The following ASB15 variants were observed in gnomAD, a reference collection of about 807,000 sequenced individuals.
ASB15 encodes ankyrin repeat and SOCS box protein 15.
ASB15 carries 54 observed loss-of-function variants against 58.0 expected under a neutral mutation model. The ratio of observed to expected loss-of-function variants is 0.93; its 90% CI spans 0.75 to 1.17. The LOEUF (loss-of-function observed/expected upper bound fraction) is 1.17. ASB15 is among the 50% of genes most tolerant of loss of function. The pLI is 0.00. For synonymous variants in ASB15, 249 were observed against 262.4 expected, an observed-to-expected ratio of 0.95 and a Z score of 0.50; for missense variants, 680 against 707.4, an observed-to-expected ratio of 0.96 and a Z score of 0.44.
chr7:123,625,177 C>G (rs548261415), intron 8 of ASB15, among the ~76,000 whole-genome samples: 1 of 152,258 alleles, frequency 6.6e-6, no homozygotes, highest in African/African-American at 2.4e-5. Flanking sequence ...ATTGAAAGAT[C>G]GTATTTATCT....
chr7:123,573,092 G>A (rs1156299250), intron 1 of ASB15, among the ~76,000 whole-genome samples: 3 of 151,932 alleles, frequency 2.0e-5, no homozygotes, highest in African/African-American at 7.3e-5. Flanking sequence ...TGCTCTAAAA[G>A]TACTCCCTGA....
intron 1 of ASB15, among the ~76,000 whole-genome samples, chr7:123,567,314 G>C (rs750181376): frequency 3.9e-5 from 6 of 152,146 alleles, no homozygotes; most frequent in Admixed American, 3.3e-4. Context: ...AGGAGTAAAT[G>C]TTCTTATCCT....
At chr7:123,618,520 A>G (rs1401389686) in intron 7 of ASB15, among the ~76,000 whole-genome samples, 3 of 152,184 alleles carry the variant, frequency 2.0e-5, no homozygotes, top group Admixed American at 2.0e-4. Context: ...ATTGTGAGGA[A>G]AATTAGAGAA....
chr7:123,611,418 C>T (rs945612606), intron 3 of ASB15, among the ~76,000 whole-genome samples: 2 of 152,128 alleles, frequency 1.3e-5, no homozygotes, highest in African/African-American at 4.8e-5. Flanking sequence ...CCTCAGTCTC[C>T]CGAGTAGCTG....
rs1414294967 is a variant in ASB15, at chr7:123,620,503, CATACATATATATATATATATATATATAT to C, written c.451+2770_451+2797del. Reference sequence around the variant, plus strand: ...CACCACTAGTAATGTGACACATATACATACATATATATATATATATATATATATATATATATATATATATATATATATT... The same window carrying C: ...CACCACTAGTAATGTGACACATATACATATATATATATATATATATATATT... On this transcript the variant is annotated intron_variant, in intron 7 of 11. Transcript: ENST00000451215. Among the ~76,000 whole-genome samples, 157 of 53,058 alleles carry C rather than the reference CATACATATATATATATATATATATATAT, an allele frequency of 3.0e-3. 1 individual carries two copies. Among genetic ancestry groups the C allele is most frequent in the Admixed American group, 7.4e-3 (23 of 3,098 alleles). The allele number at this position is 53,058 out of a possible 152,430, so 34.8% of individuals were successfully genotyped here. A position where few individuals can be genotyped will look rare whatever the true frequency, so the allele number is the denominator to read the frequency against.
intron 2 of ASB15, among the ~76,000 whole-genome samples, chr7:123,608,160 T>G (rs1381791229): frequency 6.6e-6 from 1 of 152,026 alleles, no homozygotes; most frequent in Non-Finnish European, 1.5e-5. Flanking sequence ...TTTTTACTTT[T>G]GTAATATGAA....
intron 2 of ASB15, among the ~76,000 whole-genome samples, chr7:123,606,468 CTT>C (rs1445196280): frequency 2.6e-5 from 4 of 152,136 alleles, no homozygotes; most frequent in Non-Finnish European, 4.4e-5. Context: ...GTTCACTTTT[CTT>C]GTTGTTACTG....
chr7:123,597,574 G>A (rs1048879074), upstream of ASB15, among the ~76,000 whole-genome samples: 1 of 152,168 alleles, frequency 6.6e-6, no homozygotes, highest in African/African-American at 2.4e-5. Flanking sequence ...GCTCACGCCT[G>A]TAATCCCAGC....
At chr7:123,587,596 G>A (rs1258367925) in intron 1 of ASB15, among the ~76,000 whole-genome samples, 2 of 151,574 alleles carry the variant, frequency 1.3e-5, no homozygotes, top group East Asian at 1.9e-4. Context: ...TAGAAGTGAC[G>A]AGAGAAGGCT....
intron 3 of ASB15, among the ~76,000 whole-genome samples, chr7:123,610,732 T>A (rs979444227): frequency 2.6e-5 from 4 of 152,226 alleles, no homozygotes; most frequent in Non-Finnish European, 5.9e-5. Context: ...AGGCTGATTG[T>A]ACAATATGAT....
intron 2 of ASB15, among the ~76,000 whole-genome samples, chr7:123,605,158 G>T (rs988473998): frequency 2.6e-5 from 4 of 152,148 alleles, no homozygotes; most frequent in African/African-American, 9.7e-5. Flanking sequence ...TGCCAGGAAT[G>T]AATATTTTTG....
rs763292195 is a variant in ASB15, at chr7:123,627,112, G to C, written c.700G>C (p.Gly234Arg). The C allele has an allele frequency of 6.2e-7, 1 of 1,612,684 alleles. No individual in the cohort carries two copies. Among genetic ancestry groups the C allele is most frequent in the East Asian group, 2.2e-5 (1 of 44,852 alleles). Residue 234 changes from glycine (G) to arginine (R), a missense_variant and splice_region_variant, in exon 9 of 12, where the codon GGT becomes CGT. Gly to Arg is a moderately radical substitution (Grantham distance 125, BLOSUM62 -2). Transcript: ENST00000451215. ...TATGCCACGTTTTATACTGCCAGGT[G>C]GTGATGTGCTTGCTTTGGCGGATGA... is the stretch of plus-strand genomic sequence containing the variant. Reference protein sequence around the residue: ...DVLEHLIHKGGDVLALADDGA... With the variant: ...DVLEHLIHKGRDVLALADDGA...
At chr7:123,568,635 A>G (rs1203336560) in intron 1 of ASB15, among the ~76,000 whole-genome samples, 3 of 152,164 alleles carry the variant, frequency 2.0e-5, no homozygotes, top group Non-Finnish European at 4.4e-5. Context: ...CTGTATGGGA[A>G]ATGTTGCTCC....
intron 7 of ASB15, among the ~76,000 whole-genome samples, chr7:123,620,547 T>C (rs1288919958): frequency 6.4e-4 from 16 of 25,040 alleles, no homozygotes; most frequent in East Asian, 2.9e-3. Flanking sequence ...TATATATATA[T>C]ATATATATTT....
chr7:123,623,289 T>G (rs1801456116), intron 7 of ASB15: 1 of 152,178 alleles, frequency 6.6e-6, no homozygotes, highest in Non-Finnish European at 1.5e-5. Flanking sequence ...GGGGCAGCAC[T>G]CATCCTAATC....
intron 9 of ASB15, among the ~76,000 whole-genome samples, chr7:123,628,232 G>A (rs938470919): frequency 6.6e-6 from 1 of 152,320 alleles, no homozygotes; most frequent in African/African-American, 2.4e-5. Context: ...AAGTTATATG[G>A]AAGCAGACAG....
chr7:123,605,907 C>A (rs1037690103), intron 2 of ASB15, among the ~76,000 whole-genome samples: 1 of 152,092 alleles, frequency 6.6e-6, no homozygotes, highest in Non-Finnish European at 1.5e-5. Flanking sequence ...ATGCCTATTA[C>A]CTGCATGATA....
chr7:123,570,422 C>A (rs910034805), intron 1 of ASB15, among the ~76,000 whole-genome samples: 1 of 152,056 alleles, frequency 6.6e-6, no homozygotes, highest in Non-Finnish European at 1.5e-5. Context: ...TCCCTTCCAC[C>A]GAGAGTGGCA....
chr7:123,611,972 A>AGG (rs1800490778), intron 3 of ASB15, among the ~76,000 whole-genome samples: 1 of 152,136 alleles, frequency 6.6e-6, no homozygotes, highest in Non-Finnish European at 1.5e-5. Flanking sequence ...GTAGGAGAAA[A>AGG]AAAAAAAACG....
Sources: gnomAD v4.1 joint callset for allele counts (sites outside exome capture counted in the v4.1 genomes callset) on GRCh38, gnomAD v4.1.1 for gene constraint, MANE v1.5 for transcripts, NCBI Gene and HGNC (gene_info 2026-07-23, HGNC 2026-07-21) for gene names.